The following PIP5K1C variants were observed in gnomAD, a reference collection of about 807,000 sequenced individuals.
PIP5K1C encodes the protein phosphatidylinositol 4-phosphate 5-kinase type-1 gamma.
A neutral mutation model predicts 80.1 loss-of-function variants in PIP5K1C; 45 were observed. The observed-to-expected ratio is 0.56, with a 90% CI of 0.44 to 0.72. PIP5K1C has a LOEUF of 0.72. Ranked by LOEUF, PIP5K1C falls within the 30% of genes least tolerant of loss-of-function variation. PIP5K1C has a pLI of 0.00. For missense variants in PIP5K1C, 753 were observed against 954.6 expected, an observed-to-expected ratio of 0.79 and a Z score of 2.78; for synonymous variants, 498 against 420.1, an observed-to-expected ratio of 1.19 and a Z score of -2.27.
In PIP5K1C at chr19:3,637,617, G is replaced by C; in HGVS notation, c.1920+1267C>G. The C allele has an allele frequency of 6.6e-7, 1 of 1,521,720 alleles. No individual in the cohort carries two copies. Among genetic ancestry groups the C allele is most frequent in the African/African-American group, 1.4e-5 (1 of 72,638 alleles). The allele number at this position is 1,521,720 out of a possible 1,614,324, so 94.3% of individuals were successfully genotyped here. On this transcript the variant is annotated intron_variant, in intron 16 of 17. Coordinates refer to ENST00000335312, the MANE Select transcript of PIP5K1C (RefSeq NM_012398.3). This position sits in a 1 kb window ranked among gnomAD's most constrained non-coding sequence, Gnocchi z 7.0. ...TCCAGTACCTCCCATCCGTGAACTG[G>C]ACGGGGCGGGCCGGGTGGGCCGGAG...
intron 15 of PIP5K1C, among the ~76,000 whole-genome samples, chr19:3,641,132 T>C (rs894833914): frequency 1.3e-4 from 19 of 151,876 alleles, no homozygotes; most frequent in Non-Finnish European, 1.5e-4. Context: ...GGAGAATCAC[T>C]TGAACCTGGG....
At chr19:3,660,546 C>G (rs2034799675) in intron 5 of PIP5K1C, among the ~76,000 whole-genome samples, 1 of 152,202 alleles carries the variant, frequency 6.6e-6, no homozygotes, top group Admixed American at 6.5e-5. Flanking sequence ...ATGGCTAGAG[C>G]TAGGAGGTCC....
chr19:3,641,931 C>A, intron 14 of PIP5K1C, 122 bp from the exon 15 acceptor site: 1 of 769,536 alleles, frequency 1.3e-6, no homozygotes, highest in South Asian at 1.5e-5. Context: ...CTGATTGGGT[C>A]TGTTCTTTCT....
chr19:3,698,931 C>CCCCCCA (rs2036208096), intron 1 of PIP5K1C, among the ~76,000 whole-genome samples: 2 of 113,866 alleles, frequency 1.8e-5, no homozygotes, highest in African/African-American at 3.3e-5. Context: ...CCCTCCCCGG[C>CCCCCCA]CCCCCACCCC....
chr19:3,638,092 C>T, intron 16 of PIP5K1C: 1 of 1,427,914 alleles, frequency 7.0e-7, no homozygotes, highest in Non-Finnish European at 9.2e-7. Flanking sequence ...CGTGCCCAGC[C>T]CTCCTTCCCA....
At position 3,650,391 on chromosome 19, in the gene PIP5K1C, T is replaced by C. The variant is rs1002913657; in HGVS notation, c.1127+1435A>G. On this transcript the variant is annotated intron_variant, in intron 8 of 17. Transcript: ENST00000335312. ...CTCGGGCCTGCCCCCACTGTCAGGG[T>C]GCTGCTGTGACCAGGGCACAATCTC... Among the ~76,000 whole-genome samples, 5 of 152,196 alleles carry C rather than the reference T, an allele frequency of 3.3e-5. No individual in the cohort carries two copies. In the South Asian group the frequency reaches 6.2e-4, roughly 19 times the overall value.
rs563330109 is a variant in PIP5K1C at position 3,656,543 on chromosome 19, A to C, written c.483T>G (p.Asn161Lys). The C allele has an allele frequency of 8.7e-6, 14 of 1,613,586 alleles. No homozygotes were observed. Among genetic ancestry groups the C allele is most frequent in the Non-Finnish European group, 1.1e-5 (13 of 1,179,980 alleles). ...RPDDYLYSLCNEPLIELSNPG... is the reference protein window; with the variant it reads ...RPDDYLYSLCKEPLIELSNPG... ...GGTTGGACAGCTCGATCAGCGGCTC[A>C]TTGCACAGGGAGTACTGGAAGCAGA... The change falls in exon 6 of 18, where the codon AAT becomes AAG. Residue 161 changes from asparagine to lysine, a missense_variant. Coordinates refer to ENST00000335312, the MANE Select transcript of PIP5K1C (RefSeq NM_012398.3).
chr19:3,678,374 GGGAT>G (rs530000080), intron 1 of PIP5K1C, among the ~76,000 whole-genome samples: 371 of 134,074 alleles, frequency 2.8e-3, no homozygotes, highest in Non-Finnish European at 5.1e-3. Flanking sequence ...GGAGGATGGA[GGGAT>G]GGAGAATAGA....
chr19:3,633,527 G>C lies in PIP5K1C; in HGVS notation c.1921-7C>G, dbSNP rs762148296. 6.7e-7 allele frequency: 1 copy of C among 1,492,024 alleles called. No individual in the cohort carries two copies. The highest frequency in any genetic ancestry group is 9.0e-7 in the Non-Finnish European group (1 of 1,116,050). The allele number at this position is 1,492,024 out of a possible 1,614,324, so 92.4% of individuals were successfully genotyped here. On this transcript the variant is annotated splice_region_variant and splice_polypyrimidine_tract_variant and intron_variant, in intron 16 of 17. Transcript: ENST00000335312. ...AGCTCCTCTCATCGGTGGGCTGGCA[G>C]GTGGGCGCGCGTGCAGGAGGGCGCG... is the stretch of plus-strand genomic sequence containing the variant.
intron 1 of PIP5K1C, among the ~76,000 whole-genome samples, chr19:3,677,794 CAGGGAGGGAGGGAGGGAT>C (rs2035414954): frequency 8.8e-5 from 1 of 11,304 alleles, no homozygotes; most frequent in Non-Finnish European, 1.7e-4. Context: ...GGGAGGGATG[CAGGGAGGGAGGGAGGGAT>C]AGATGGAGGG....
intron 1 of PIP5K1C, among the ~76,000 whole-genome samples, chr19:3,672,116 C>A (rs2035225418): frequency 6.6e-6 from 1 of 152,192 alleles, no homozygotes; most frequent in Admixed American, 6.5e-5. Context: ...TGCACGGTGA[C>A]CTCATCGGCC....
intron 1 of PIP5K1C, among the ~76,000 whole-genome samples, chr19:3,687,965 C>T (rs764703906): frequency 3.3e-5 from 5 of 152,228 alleles, no homozygotes; most frequent in African/African-American, 9.6e-5. Context: ...AGAGGCTCCA[C>T]TCTCAGCACC....
chr19:3,669,228 G>T (rs545337632), intron 1 of PIP5K1C, among the ~76,000 whole-genome samples: 3 of 152,314 alleles, frequency 2.0e-5, no homozygotes, highest in Admixed American at 6.5e-5. Context: ...CTGCGCCGGA[G>T]TGTGTGCAGG....
At chr19:3,657,839 G>A (rs1376139828) in intron 5 of PIP5K1C, among the ~76,000 whole-genome samples, 1 of 152,024 alleles carries the variant, frequency 6.6e-6, no homozygotes, top group Non-Finnish European at 1.5e-5. Flanking sequence ...GGAGGCTGAG[G>A]TGGGAGGATC....
intron 12 of PIP5K1C, among the ~76,000 whole-genome samples, chr19:3,643,832 C>T (rs1227025470): frequency 6.6e-6 from 1 of 152,100 alleles, no homozygotes; most frequent in Non-Finnish European, 1.5e-5. Context: ...TCCTGGTGCA[C>T]CTCAGATGAC....
Position 3,692,615 on chromosome 19 carries a change from C to CAGT in PIP5K1C, c.94+7679_94+7681dup, listed in dbSNP as rs1348162269. ...CCAGCTTCGCCCACCTGGGCCAGTG[C>CAGT]AGTCCCCTCTGCCCTGGTTCCCCTA... On this transcript the variant is annotated intron_variant, in intron 1 of 17. Transcript: ENST00000335312. This position sits in a 1 kb window ranked among gnomAD's most constrained non-coding sequence, Gnocchi z 5.2. 1.3e-5 allele frequency among the ~76,000 whole-genome samples: 2 copies of CAGT among 152,132 alleles called. No individual in the cohort carries two copies. Among genetic ancestry groups the CAGT allele is most frequent in the African/African-American group, 4.8e-5 (2 of 41,412 alleles).
chr19:3,678,039 T>C (rs557966828), intron 1 of PIP5K1C, among the ~76,000 whole-genome samples: 42 of 59,350 alleles, frequency 7.1e-4, no homozygotes, highest in African/African-American at 3.2e-3. Context: ...GGATGGAGAA[T>C]GGAGGGATGG....
At chr19:3,677,157 T>G (rs1219997885) in intron 1 of PIP5K1C, among the ~76,000 whole-genome samples, 2 of 151,414 alleles carry the variant, frequency 1.3e-5, no homozygotes, top group East Asian at 3.9e-4. Flanking sequence ...AAGCAAAAAG[T>G]TATGGGAAAT....
Position 3,633,183 on chromosome 19 carries a change from A to G in PIP5K1C, c.2005-14T>C. 3 of 765,344 alleles carry G rather than the reference A, an allele frequency of 3.9e-6. No individual in the cohort carries two copies. The South Asian group carries it at 4.1e-5, about 11-fold the overall frequency. 47.4% of individuals were successfully genotyped at this position (765,344 alleles called of 1,614,324 possible). On this transcript the variant is annotated splice_polypyrimidine_tract_variant and intron_variant, in intron 17 of 17. Transcript: ENST00000335312. ...GCATAGAAATTACTGCAAGAGCAAG[A>G]GGACAGGTGAAGGTGGGCGGGGCGA... is the stretch of plus-strand genomic sequence containing the variant.
Sources: allele counts gnomAD v4.1 joint callset (sites outside exome capture counted in the v4.1 genomes callset), GRCh38; gene constraint gnomAD v4.1.1; non-coding constraint Gnocchi (gnomAD v3.1); transcripts MANE v1.5; gene names NCBI Gene and HGNC (gene_info 2026-07-23, HGNC 2026-07-21).